OTUD7A: variants seen among roughly 807,000 people sequenced by gnomAD.
OTUD7A encodes OTU domain-containing protein 7A.
Under a neutral mutation model 65.7 loss-of-function variants are expected in OTUD7A, and 12 were observed. That is an observed-to-expected ratio of 0.18 (90% CI 0.12 to 0.30). OTUD7A has a LOEUF of 0.30. OTUD7A is among the 10% of genes least tolerant of loss of function. OTUD7A has a pLI of 1.00. For synonymous variants in OTUD7A, 641 were observed against 586.3 expected, an observed-to-expected ratio of 1.09 and a Z score of -1.35; for missense variants, 1,148 against 1,304.8, an observed-to-expected ratio of 0.88 and a Z score of 1.85.
chr15:31,799,201 T>G (rs1387524488), intron 1 of OTUD7A, among the ~76,000 whole-genome samples: 1 of 152,178 alleles, frequency 6.6e-6, no homozygotes, highest in Non-Finnish European at 1.5e-5. Flanking sequence ...ACATGAACAG[T>G]GGGCTGTGCG....
At chr15:31,592,749 G>A (rs780703826) in intron 3 of OTUD7A, among the ~76,000 whole-genome samples, 1 of 150,220 alleles carries the variant, frequency 6.7e-6, no homozygotes, top group African/African-American at 2.5e-5. Context: ...GCTTGGTGAT[G>A]AGCGCCTGTA....
intron 1 of OTUD7A, among the ~76,000 whole-genome samples, chr15:31,788,534 C>G (rs1647305679): frequency 6.6e-6 from 1 of 152,210 alleles, no homozygotes; most frequent in African/African-American, 2.4e-5. Flanking sequence ...ATACAGGACT[C>G]TTCTGAGAAG....
At chr15:31,659,298 C>T (rs1892090620) in intron 1 of OTUD7A, among the ~76,000 whole-genome samples, 1 of 152,086 alleles carries the variant, frequency 6.6e-6, no homozygotes, top group African/African-American at 2.4e-5. Context: ...ACTCTCAGGA[C>T]AGCAAACAGG....
At chr15:31,531,297 T>C (rs1887612336) in intron 5 of OTUD7A, among the ~76,000 whole-genome samples, 1 of 152,062 alleles carries the variant, frequency 6.6e-6, no homozygotes, top group Non-Finnish European at 1.5e-5. Flanking sequence ...GGAAGATAGA[T>C]CAGATGTACT....
At chr15:31,695,046 C>T (rs1322403156) in intron 1 of OTUD7A, among the ~76,000 whole-genome samples, 15 of 152,238 alleles carry the variant, frequency 9.9e-5, no homozygotes, top group African/African-American at 3.6e-4. Context: ...GGGGTTTCAC[C>T]GTGTTAGCCA....
intron 5 of OTUD7A, among the ~76,000 whole-genome samples, chr15:31,531,560 T>C (rs938701557): frequency 2.1e-5 from 3 of 144,840 alleles, no homozygotes; most frequent in Admixed American, 1.4e-4. Context: ...AGAAAAAGCA[T>C]GCTCTCTCTA....
At chr15:31,629,401 A>G (rs1891069872) in intron 3 of OTUD7A, among the ~76,000 whole-genome samples, 1 of 152,116 alleles carries the variant, frequency 6.6e-6, no homozygotes, top group Non-Finnish European at 1.5e-5. Context: ...ACATCTATTG[A>G]TTTGTGTACA....
intron 1 of OTUD7A, among the ~76,000 whole-genome samples, chr15:31,698,028 C>T (rs1893124430): frequency 6.6e-6 from 1 of 152,178 alleles, no homozygotes; most frequent in African/African-American, 2.4e-5. Context: ...GGACAGCAGC[C>T]AAGCATTGTT....
chr15:31,579,990 A>G (rs966683764), intron 3 of OTUD7A, among the ~76,000 whole-genome samples: 1 of 152,256 alleles, frequency 6.6e-6, no homozygotes, highest in Non-Finnish European at 1.5e-5. Flanking sequence ...TACAGATTCC[A>G]CCAGGATATC....
intron 3 of OTUD7A, among the ~76,000 whole-genome samples, chr15:31,623,632 G>T (rs1205913830): frequency 6.6e-6 from 1 of 152,202 alleles, no homozygotes; most frequent in Admixed American, 6.5e-5. Flanking sequence ...TATTAGGGTG[G>T]GAGTGACCTG....
chr15:31,853,416 A>T (rs1248465505), intron 1 of OTUD7A, among the ~76,000 whole-genome samples: 1 of 152,226 alleles, frequency 6.6e-6, no homozygotes, highest in Non-Finnish European at 1.5e-5. Flanking sequence ...CAACAAATCA[A>T]GGAGACAGAC....
intron 10 of OTUD7A, among the ~76,000 whole-genome samples, chr15:31,493,151 A>G (rs2041341003): frequency 1.3e-5 from 1 of 74,388 alleles, no homozygotes; most frequent in African/African-American, 3.7e-5. Flanking sequence ...GGTTGTAGGA[A>G]AAAAAAAAAA....
intron 1 of OTUD7A, among the ~76,000 whole-genome samples, chr15:31,730,770 C>T (rs924345412): frequency 1.3e-5 from 2 of 152,146 alleles, no homozygotes; most frequent in African/African-American, 4.8e-5. Context: ...GGGGCGGTGG[C>T]AGGATTGCTG....
chr15:31,780,082 C>T (rs962898706), intron 1 of OTUD7A, among the ~76,000 whole-genome samples: 2 of 152,104 alleles, frequency 1.3e-5, no homozygotes, highest in Admixed American at 1.3e-4. Flanking sequence ...ACAAGGATGG[C>T]AGAAGCAGAC....
At chr15:31,503,026 G>A (rs116372170) in intron 9 of OTUD7A, among the ~76,000 whole-genome samples, 87 of 152,350 alleles carry the variant, frequency 5.7e-4, no homozygotes, top group African/African-American at 2.0e-3. Context: ...GGGAGGACAG[G>A]CTTTGGATCA....
At chr15:31,690,019 T>C (rs1566976043) in intron 1 of OTUD7A, among the ~76,000 whole-genome samples, 1 of 152,218 alleles carries the variant, frequency 6.6e-6, no homozygotes, top group Non-Finnish European at 1.5e-5. Context: ...TTTGAGGCCA[T>C]TTATTTTATC....
chr15:31,757,986 A>G (rs1452236300), intron 1 of OTUD7A, among the ~76,000 whole-genome samples: 4 of 152,178 alleles, frequency 2.6e-5, no homozygotes, highest in African/African-American at 7.2e-5. Flanking sequence ...ACAATATTCA[A>G]TGCTAGGTAG....
intron 4 of OTUD7A, among the ~76,000 whole-genome samples, chr15:31,565,337 G>A (rs1224476672): frequency 4.6e-5 from 7 of 152,122 alleles, no homozygotes; most frequent in Admixed American, 1.3e-4. Context: ...ATATCCAAGT[G>A]ATTCTCTTAG....
At chr15:31,790,432 C>G (rs963854651) in intron 1 of OTUD7A, among the ~76,000 whole-genome samples, 1 of 152,244 alleles carries the variant, frequency 6.6e-6, no homozygotes, top group Non-Finnish European at 1.5e-5. Context: ...GAGGCCATGT[C>G]TGGAACCCAG....
Sources: gnomAD v4.1 joint callset for allele counts (sites outside exome capture counted in the v4.1 genomes callset) on GRCh38, gnomAD v4.1.1 for gene constraint, MANE v1.5 for transcripts, NCBI Gene and HGNC (gene_info 2026-07-23, HGNC 2026-07-21) for gene names.